Variants in APH1B observed in about 807,000 individuals in gnomAD.
APH1B encodes the protein gamma-secretase subunit APH-1B.
In APH1B, 27 loss-of-function variants were observed where a neutral mutation model predicts 28.2. The observed-to-expected ratio is 0.96, with a 90% confidence interval of 0.70 to 1.32. The LOEUF (loss-of-function observed/expected upper bound fraction) is 1.32. Among genes scored for constraint, APH1B ranks in the 40% most tolerant of loss-of-function variants. APH1B has a pLI of 0.00. For missense variants in APH1B, 305 were observed against 313.6 expected, an observed-to-expected ratio of 0.97 and a Z score of 0.21; for synonymous variants, 141 against 124.6, an observed-to-expected ratio of 1.13 and a Z score of -0.88.
Position 63,305,916 on chromosome 15 carries a change from T to G in APH1B, c.*135T>G. On this transcript the variant is annotated 3_prime_UTR_variant, in exon 6 of 6. Coordinates refer to ENST00000261879, the MANE Select transcript of APH1B (RefSeq NM_031301.4). ...CTATGCAGATATGCGTTCCATTCAC[T>G]TGGCTTTCACACAACTGCTCTCCGA... The G allele has an allele frequency of 8.2e-7, 1 of 1,214,934 alleles. No homozygotes were observed. Among genetic ancestry groups the G allele is most frequent in the Non-Finnish European group, 1.1e-6 (1 of 896,118 alleles). 75.3% of individuals were successfully genotyped at this position (1,214,934 alleles called of 1,614,324 possible).
rs1051603271 is a variant in APH1B at position 63,307,172 on chromosome 15, G to A, written c.*1391G>A. On this transcript the variant is annotated 3_prime_UTR_variant, in exon 6 of 6. Coordinates refer to ENST00000261879, the MANE Select transcript of APH1B (RefSeq NM_031301.4). ...AGAGGAGCAGCAATCCTGAGGGGCT[G>A]GGGGAGTGACAGTGGCAGGACGGAT... 2.0e-5 allele frequency: 3 copies of A among 152,396 alleles called. No individual in the cohort carries two copies. The highest frequency in any genetic ancestry group is 3.9e-4 in the East Asian group (2 of 5,180). 9.4% of individuals were successfully genotyped at this position (152,396 alleles called of 1,614,324 possible). A position where few individuals can be genotyped will look rare whatever the true frequency, so the allele number is the denominator to read the frequency against.
rs756267164 is a variant in APH1B, at chr15:63,302,497, C to T, written c.606+25C>T. 5.6e-6 allele frequency: 9 copies of T among 1,607,676 alleles called. No homozygotes were observed. In the South Asian group the frequency reaches 1.0e-4, roughly 18 times the overall value. On this transcript the variant is annotated intron_variant, in intron 5 of 5. Transcript: ENST00000261879. ...GGTGAGTGTTGCCGCCATGCTCAGA[C>T]TGTATTCTGGAACTCAAGTCTATGT...
intron 2 of APH1B, 30 bp from the exon 3 acceptor site, chr15:63,286,528 T>A: frequency 6.6e-7 from 1 of 1,506,072 alleles, no homozygotes; most frequent in Non-Finnish European, 8.9e-7. Context: ...TTTTTTTTTC[T>A]TCTTAATTAC....
rs1298122636 is a variant in APH1B, at chr15:63,302,337, T to C, written c.479-8T>C. 4 of 1,613,558 alleles carry C rather than the reference T, an allele frequency of 2.5e-6. No individual in the cohort carries two copies. ...TAGGAGTGACACTAATGGTCGGCTC[T>C]CTTTCAGCTTTCATGACGCTGGTCA... On this transcript the variant is annotated splice_polypyrimidine_tract_variant and splice_region_variant and intron_variant, in intron 4 of 5. Coordinates refer to ENST00000261879, the MANE Select transcript of APH1B (RefSeq NM_031301.4).
At chr15:63,284,561 A>C (rs559207204) in intron 2 of APH1B, among the ~76,000 whole-genome samples, 1 of 107,698 alleles carries the variant, frequency 9.3e-6, no homozygotes, top group Non-Finnish European at 1.9e-5. Flanking sequence ...AGGTTTGTTT[A>C]CACCAACATC....
chr15:63,299,343 G>T (rs900008471), intron 4 of APH1B, among the ~76,000 whole-genome samples: 1 of 152,174 alleles, frequency 6.6e-6, no homozygotes, highest in African/African-American at 2.4e-5. Flanking sequence ...TCACAGTAAT[G>T]CTCTTTTGGA....
rs2038457183 is a variant in APH1B at position 63,287,267 on chromosome 15, A to G, written c.356-157A>G. 1.8e-5 allele frequency: 16 copies of G among 865,110 alleles called. No homozygotes were observed. In the South Asian group the frequency reaches 3.3e-4, roughly 18 times the overall value. The allele number at this position is 865,110 out of a possible 1,614,324, so 53.6% of individuals were successfully genotyped here. On this transcript the variant is annotated intron_variant, in intron 3 of 5. Coordinates refer to ENST00000261879, the MANE Select transcript of APH1B (RefSeq NM_031301.4). Reference sequence around the variant, plus strand: ...CGCTTCCCTCTCTGATTCATCATTTAGCCAAGCACATGCCTCTCCAGAGCC... The same window carrying G: ...CGCTTCCCTCTCTGATTCATCATTTGGCCAAGCACATGCCTCTCCAGAGCC...
At chr15:63,303,198 G>A (rs2038650887) in intron 5 of APH1B, among the ~76,000 whole-genome samples, 1 of 152,180 alleles carries the variant, frequency 6.6e-6, no homozygotes, top group Non-Finnish European at 1.5e-5. Flanking sequence ...ACACACCTGT[G>A]TAACTAGCAC....
rs1310484575 is a variant in APH1B, at chr15:63,279,316, A to G, written c.269A>G (p.Tyr90Cys). ...VYIQEMFRFA[Y>C]YKLLKKASEG... ...ATCCAAGAAATGTTCCGATTTGCAT[A>G]TTATAAACTCTTAAAGTAAGTTAAA... The change falls in exon 2 of 6, where the codon TAT becomes TGT. Residue 90 changes from tyrosine to cysteine, a missense_variant. Coordinates refer to ENST00000261879, the MANE Select transcript of APH1B (RefSeq NM_031301.4). The G allele has an allele frequency of 6.2e-7, 1 of 1,601,264 alleles. No individual in the cohort carries two copies. The highest frequency in any genetic ancestry group is 8.5e-7 in the Non-Finnish European group (1 of 1,170,650).
intron 2 of APH1B, 88 bp downstream of exon 2, chr15:63,279,419 T>C: frequency 7.9e-7 from 1 of 1,267,990 alleles, no homozygotes; most frequent in East Asian, 2.4e-5. Context: ...TAGTATTGTA[T>C]CTATGCCCTC....
At chr15:63,281,919 C>T (rs911890418) in intron 2 of APH1B, among the ~76,000 whole-genome samples, 9 of 152,116 alleles carry the variant, frequency 5.9e-5, no homozygotes, top group Admixed American at 3.9e-4. Flanking sequence ...AGAGAAGCCT[C>T]TTTAGGTTCC....
rs2038692829 is a variant in APH1B at position 63,306,898 on chromosome 15, T to A, written c.*1117T>A. ...TAATCCATATGCTCTTTAGATCTAGTCAGTGTCTCTGGGTTTTGGTAGCAG... is the reference window on the plus strand; with the variant it reads ...TAATCCATATGCTCTTTAGATCTAGACAGTGTCTCTGGGTTTTGGTAGCAG... On this transcript the variant is annotated 3_prime_UTR_variant, in exon 6 of 6. Coordinates refer to ENST00000261879, the MANE Select transcript of APH1B (RefSeq NM_031301.4). The A allele has an allele frequency of 6.6e-6, 1 of 152,246 alleles. No homozygotes were observed. The highest frequency in any genetic ancestry group is 2.1e-4 in the South Asian group (1 of 4,836). The allele number at this position is 152,246 out of a possible 1,614,324, so 9.4% of individuals were successfully genotyped here. A position where few individuals can be genotyped will look rare whatever the true frequency, so the allele number is the denominator to read the frequency against.
intron 4 of APH1B, among the ~76,000 whole-genome samples, chr15:63,290,139 C>T (rs2038490566): frequency 6.6e-6 from 1 of 152,110 alleles, no homozygotes; most frequent in Non-Finnish European, 1.5e-5. Flanking sequence ...AAGGGATATT[C>T]AGCCTGTAGT....
intron 3 of APH1B, 49 bp from the exon 4 acceptor site, chr15:63,287,375 T>C: frequency 6.2e-7 from 1 of 1,604,772 alleles, no homozygotes; most frequent in Non-Finnish European, 8.5e-7. Context: ...GAAATTTGAC[T>C]TGAAATCTTG....
rs769750905 is a variant in APH1B, at chr15:63,279,292, T to A, written c.245T>A (p.Ile82Asn). ...LIFGAFVSVYIQEMFRFAYYK... is the reference protein window; with the variant it reads ...LIFGAFVSVYNQEMFRFAYYK... ...TTTGGAGCGTTTGTCTCTGTCTATA[T>A]CCAAGAAATGTTCCGATTTGCATAT... is the stretch of plus-strand genomic sequence containing the variant. Residue 82 changes from isoleucine to asparagine, a missense_variant, in exon 2 of 6, where the codon ATC becomes AAC. By Grantham distance (149) the Ile-to-Asn change is moderately radical (BLOSUM62 -3). Transcript: ENST00000261879. 3.7e-6 allele frequency: 6 copies of A among 1,610,908 alleles called. No homozygotes were observed. The highest frequency in any genetic ancestry group is 5.1e-6 in the Non-Finnish European group (6 of 1,177,452).
chr15:63,302,203 T>C, intron 4 of APH1B, 142 bp from the exon 5 acceptor site: 2 of 944,270 alleles, frequency 2.1e-6, no homozygotes, highest in Non-Finnish European at 3.0e-6. Flanking sequence ...TTTTTGAGTG[T>C]GTCAAGGCCC....
rs1359382758 is a variant in APH1B at position 63,279,277 on chromosome 15, TTGTCTC to T, written c.236_241del (p.Ser79_Val80del). On this transcript the variant is annotated inframe_deletion, in exon 2 of 6. Coordinates refer to ENST00000261879, the MANE Select transcript of APH1B (RefSeq NM_031301.4). ...AAATATCTGCTGATCTTTGGAGCGT[TTGTCTC>T]TGTCTATATCCAAGAAATGTTCCGA... 6.2e-7 allele frequency: 1 copy of T among 1,612,676 alleles called. No homozygotes were observed. Among genetic ancestry groups the T allele is most frequent in the South Asian group, 1.1e-5 (1 of 90,976 alleles).
intron 5 of APH1B, among the ~76,000 whole-genome samples, chr15:63,303,205 GCA>G (rs2038651026): frequency 6.6e-6 from 1 of 152,136 alleles, no homozygotes; most frequent in African/African-American, 2.4e-5. Flanking sequence ...TGTGTAACTA[GCA>G]CCTAGATGAA....
chr15:63,278,744 A>G (rs186501054), intron 1 of APH1B, among the ~76,000 whole-genome samples: 2 of 152,378 alleles, frequency 1.3e-5, no homozygotes, highest in Non-Finnish European at 2.9e-5. Context: ...CAGTAAATCC[A>G]TAATTTCTTG....
Sources: allele counts gnomAD v4.1 joint callset (sites outside exome capture counted in the v4.1 genomes callset), GRCh38; gene constraint gnomAD v4.1.1; transcripts MANE v1.5; gene names NCBI Gene and HGNC (gene_info 2026-07-23, HGNC 2026-07-21).